Variants in CAMTA1 observed in about 807,000 individuals in gnomAD.
The protein encoded by CAMTA1 is calmodulin binding transcription activator 1, also known as calmodulin-binding transcription activator 1.
A neutral mutation model predicts 170.9 loss-of-function variants in CAMTA1; 27 were observed. The ratio of observed to expected loss-of-function variants is 0.16; its 90% confidence interval spans 0.12 to 0.22. The LOEUF is 0.22. CAMTA1 is among the 10% of genes least tolerant of loss of function. The pLI is 1.00. For missense variants in CAMTA1, 1,619 were observed against 2,217.2 expected (o/e 0.73, Z 5.42); for synonymous variants, 833 against 891.5 (o/e 0.93, Z 1.17).
intron 3 of CAMTA1, among the ~76,000 whole-genome samples, chr1:6,829,462 C>T (rs1462236790): frequency 1.3e-5 from 2 of 152,122 alleles, no homozygotes; most frequent in Non-Finnish European, 2.9e-5. Flanking sequence ...ATTGTGCTCC[C>T]GCAGCCACCA....
intron 5 of CAMTA1, among the ~76,000 whole-genome samples, chr1:7,358,729 C>T (rs533983213): frequency 6.6e-6 from 1 of 152,136 alleles, no homozygotes; most frequent in South Asian, 2.1e-4. Context: ...AGCCAGCCAC[C>T]CTCATGTGAC....
intron 6 of CAMTA1, among the ~76,000 whole-genome samples, chr1:7,535,187 G>A (rs565857211): frequency 2.6e-5 from 4 of 152,270 alleles, no homozygotes; most frequent in South Asian, 4.1e-4. Flanking sequence ...ATGAATGAAC[G>A]AATGACTCTG....
chr1:7,031,826 T>C lies in CAMTA1; in HGVS notation c.235-59478T>C, dbSNP rs187719947. On this transcript the variant is annotated intron_variant, in intron 3 of 22. Coordinates refer to ENST00000303635, the MANE Select transcript of CAMTA1 (RefSeq NM_015215.4). Reference sequence around the variant, plus strand: ...GAAGTGCTGGGATTATAGGCATGAGTCACCACGCCCAGCCAATCTCTGTCT... The same window carrying C: ...GAAGTGCTGGGATTATAGGCATGAGCCACCACGCCCAGCCAATCTCTGTCT... Among the ~76,000 whole-genome samples, 38 of 151,956 alleles carry C rather than the reference T, an allele frequency of 2.5e-4. No individual in the cohort carries two copies. The South Asian group carries it at 3.7e-3, about 15-fold the overall frequency.
intron 3 of CAMTA1, among the ~76,000 whole-genome samples, chr1:6,828,474 T>A (rs1378443456): frequency 1.3e-5 from 2 of 151,926 alleles, no homozygotes; most frequent in African/African-American, 4.8e-5. Context: ...GTATTTTTAG[T>A]AGAGACAGGG....
At chr1:7,444,081 C>A (rs75562159) in intron 5 of CAMTA1, among the ~76,000 whole-genome samples, 8,770 of 152,234 alleles carry the variant, frequency 0.058, 450 homozygotes, top group African/African-American at 0.14. Flanking sequence ...AGAGGAAACC[C>A]GCTGGTGCTC....
At chr1:7,672,957 C>T (rs1207988662) in intron 10 of CAMTA1, among the ~76,000 whole-genome samples, 1 of 152,198 alleles carries the variant, frequency 6.6e-6, no homozygotes, top group Non-Finnish European at 1.5e-5. Context: ...GCACAGCCAG[C>T]CGGGGTGGCA....
At chr1:7,028,889 A>ATAAG (rs150328017) in intron 3 of CAMTA1, among the ~76,000 whole-genome samples, 3,388 of 152,178 alleles carry the variant, frequency 0.022, 116 homozygotes, top group African/African-American at 0.078. Flanking sequence ...ATGTTGTCAG[A>ATAAG]TAAGTACTAA....
At chr1:7,735,001 A>G (rs906158572) in intron 12 of CAMTA1, among the ~76,000 whole-genome samples, 1 of 152,234 alleles carries the variant, frequency 6.6e-6, no homozygotes, top group Non-Finnish European at 1.5e-5. Flanking sequence ...ACTGGTTCAT[A>G]GGAAGTAACC....
At chr1:7,612,648 G>A (rs1168173056) in intron 6 of CAMTA1, among the ~76,000 whole-genome samples, 2 of 152,170 alleles carry the variant, frequency 1.3e-5, no homozygotes, top group East Asian at 1.9e-4. Flanking sequence ...CGAGCTCACT[G>A]GGCCGGAAGG....
intron 1 of CAMTA1, among the ~76,000 whole-genome samples, chr1:6,817,035 T>A (rs143358335): frequency 6.6e-6 from 1 of 152,034 alleles, no homozygotes. Flanking sequence ...GTGGAGAGAG[T>A]GTGATTGGTT....
chr1:6,981,517 TA>T (rs925835342), intron 3 of CAMTA1, among the ~76,000 whole-genome samples: 2 of 152,166 alleles, frequency 1.3e-5, no homozygotes, highest in African/African-American at 2.4e-5. Flanking sequence ...ACCGCAGCCT[TA>T]ACCTCCTGGG....
chr1:7,329,085 A>G (rs551219628), intron 5 of CAMTA1, among the ~76,000 whole-genome samples: 2 of 152,316 alleles, frequency 1.3e-5, no homozygotes, highest in East Asian at 3.9e-4. Context: ...ATGCATCTTC[A>G]TCCTTCCTAA....
intron 6 of CAMTA1, among the ~76,000 whole-genome samples, chr1:7,536,876 G>A (rs2094555415): frequency 6.6e-6 from 1 of 152,132 alleles, no homozygotes; most frequent in Non-Finnish European, 1.5e-5. Flanking sequence ...AGGTCTCACT[G>A]ACCCCAGGCA....
At chr1:7,342,006 G>A (rs933907335) in intron 5 of CAMTA1, among the ~76,000 whole-genome samples, 8 of 152,224 alleles carry the variant, frequency 5.3e-5, no homozygotes, top group African/African-American at 1.9e-4. Context: ...AGCTGTTTGT[G>A]TGCAATACCT....
At chr1:6,817,032 G>C (rs1375976034) in intron 1 of CAMTA1, among the ~76,000 whole-genome samples, 1 of 152,166 alleles carries the variant, frequency 6.6e-6, no homozygotes, top group African/African-American at 2.4e-5. Flanking sequence ...GCTGTGGAGA[G>C]AGTGTGATTG....
chr1:7,750,968 T>G (rs1242848178), intron 19 of CAMTA1: 1 of 670,258 alleles, frequency 1.5e-6, no homozygotes, highest in Admixed American at 2.1e-5. Context: ...TTTTGATATT[T>G]TAGGGAAAAA....
intron 11 of CAMTA1, among the ~76,000 whole-genome samples, chr1:7,703,693 A>T (rs961044342): frequency 6.6e-6 from 1 of 152,178 alleles, no homozygotes; most frequent in Admixed American, 6.5e-5. Flanking sequence ...CTATATATCT[A>T]TATCTATTAG....
chr1:7,191,780 T>C (rs1654573137), intron 4 of CAMTA1, among the ~76,000 whole-genome samples: 1 of 152,194 alleles, frequency 6.6e-6, no homozygotes, highest in African/African-American at 2.4e-5. Context: ...GCACTGCTGG[T>C]TTGCAGTCCC....
At chr1:7,551,338 GTATC>G (rs2094799748) in intron 6 of CAMTA1, among the ~76,000 whole-genome samples, 6 of 152,166 alleles carry the variant, frequency 3.9e-5, no homozygotes, top group Admixed American at 2.6e-4. Flanking sequence ...GCACATGTAT[GTATC>G]TGTGCATGAG....
Sources: gnomAD v4.1 joint callset for allele counts (sites outside exome capture counted in the v4.1 genomes callset) on GRCh38, gnomAD v4.1.1 for gene constraint, MANE v1.5 for transcripts, NCBI Gene and HGNC (gene_info 2026-07-23, HGNC 2026-07-21) for gene names.